Variants in DENND2B observed in about 807,000 individuals in gnomAD.
The protein encoded by DENND2B is DENN domain-containing protein 2B.
In DENND2B, 32 loss-of-function variants were observed where a neutral mutation model predicts 116.0. That is an observed-to-expected ratio of 0.28 (90% CI 0.21 to 0.37). The LOEUF (loss-of-function observed/expected upper bound fraction) is 0.37. DENND2B is among the 10% of genes least tolerant of loss of function. DENND2B has a pLI of 1.00. For missense variants in DENND2B, 1,276 were observed against 1,477.7 expected, an observed-to-expected ratio of 0.86 and a Z score of 2.24; for synonymous variants, 588 against 583.9, an observed-to-expected ratio of 1.01 and a Z score of -0.10.
At chr11:8,698,573 C>G (rs186467894) in intron 16 of DENND2B, among the ~76,000 whole-genome samples, 1 of 152,166 alleles carries the variant, frequency 6.6e-6, no homozygotes, top group Non-Finnish European at 1.5e-5. Flanking sequence ...ATTTGTGTAA[C>G]CCCCAGCAAA....
chr11:8,782,690 T>A (rs1490331247), intron 1 of DENND2B, among the ~76,000 whole-genome samples: 10 of 151,986 alleles, frequency 6.6e-5, no homozygotes, highest in Admixed American at 5.2e-4. Context: ...ATCAAGATCA[T>A]CCTGGCTAAC....
chr11:8,909,246 A>C (rs887407822), intron 1 of DENND2B, among the ~76,000 whole-genome samples: 2 of 152,148 alleles, frequency 1.3e-5, no homozygotes, highest in Non-Finnish European at 2.9e-5. Flanking sequence ...CATTTAAAAA[A>C]TTTGCAGGGC....
chr11:8,813,878 T>C (rs145430114), upstream of DENND2B, among the ~76,000 whole-genome samples: 69 of 152,292 alleles, frequency 4.5e-4, 1 homozygote, highest in African/African-American at 9.6e-4. Flanking sequence ...AATGCTACTG[T>C]GTACACACTC....
intron 2 of DENND2B, among the ~76,000 whole-genome samples, chr11:8,878,839 T>C (rs750142861): frequency 2.0e-5 from 3 of 152,098 alleles, no homozygotes; most frequent in Non-Finnish European, 4.4e-5. Context: ...TATGATTCCA[T>C]CAATCCACAG....
intron 1 of DENND2B, among the ~76,000 whole-genome samples, chr11:8,769,896 C>T (rs2056554677): frequency 6.6e-6 from 1 of 152,090 alleles, no homozygotes; most frequent in African/African-American, 2.4e-5. Flanking sequence ...TGTGGGAGGC[C>T]AAGGCAGGCA....
At chr11:8,699,486 A>G in intron 14 of DENND2B, 96 bp from the exon 15 acceptor site, 1 of 1,286,338 alleles carries the variant, frequency 7.8e-7, no homozygotes, top group Non-Finnish European at 1.1e-6. Flanking sequence ...TAAACCTCCC[A>G]GTGCAACAAA....
rs1038448608 is a variant in DENND2B at position 8,832,104 on chromosome 11, C to CCCG, written c.-115+7203_-115+7205dup. Among the ~76,000 whole-genome samples, 6 of 152,292 alleles carry CCCG rather than the reference C, an allele frequency of 3.9e-5. No individual in the cohort carries two copies. In the South Asian group the frequency reaches 1.0e-3, roughly 26 times the overall value. On this transcript the variant is annotated intron_variant, in intron 4 of 6. Coordinates refer to the DENND2B transcript ENST00000524757. ...ACTGTCTCTCCTCCTACCCCTCACCCCCGCCTTCCAGAGTGACAGCGAGAC... is the reference window on the plus strand; with the variant it reads ...ACTGTCTCTCCTCCTACCCCTCACCCCCGCCGCCTTCCAGAGTGACAGCGAGAC...
At chr11:8,773,519 C>G (rs1439944478) in intron 1 of DENND2B, among the ~76,000 whole-genome samples, 2 of 152,208 alleles carry the variant, frequency 1.3e-5, no homozygotes, top group Non-Finnish European at 2.9e-5. Flanking sequence ...CACCTACCTG[C>G]CTTCCTAACT....
chr11:8,699,178 A>C, intron 15 of DENND2B, 35 bp downstream of exon 15: 3 of 1,526,570 alleles, frequency 2.0e-6, no homozygotes, highest in South Asian at 1.3e-5. Flanking sequence ...TTCCCCCTCC[A>C]CCCTTCCCCC....
intron 2 of DENND2B, among the ~76,000 whole-genome samples, chr11:8,870,524 TGC>T (rs879620251): frequency 0.026 from 2,998 of 114,470 alleles, 43 homozygotes; most frequent in Non-Finnish European, 0.044. Flanking sequence ...TGTGTGTGTG[TGC>T]GCGCGCGCGC....
chr11:8,833,012 G>A lies in DENND2B; in HGVS notation c.-115+6298C>T, dbSNP rs543383445. 1.3e-4 allele frequency among the ~76,000 whole-genome samples: 20 copies of A among 152,378 alleles called. No homozygotes were observed. The South Asian group carries it at 1.4e-3, about 11-fold the overall frequency. ...GGATCCTCTTAGCATAGGCTTTGGC[G>A]TCACCTGCTTTCCAGGAAGCAGGCT... On this transcript the variant is annotated intron_variant, in intron 4 of 6. Coordinates refer to the DENND2B transcript ENST00000524757.
chr11:8,784,359 C>T (rs2058686421), intron 1 of DENND2B, among the ~76,000 whole-genome samples: 1 of 148,812 alleles, frequency 6.7e-6, no homozygotes, highest in African/African-American at 2.5e-5. Context: ...CCCAAGAGGT[C>T]GAGGCTGCAG....
chr11:8,783,788 A>G (rs980534142), intron 1 of DENND2B, among the ~76,000 whole-genome samples: 1 of 152,178 alleles, frequency 6.6e-6, no homozygotes. Context: ...AAAGAGGGAG[A>G]TATCATAGAC....
chr11:8,717,105 ACCTGCCT>A (rs1228972743), intron 5 of DENND2B, among the ~76,000 whole-genome samples: 1 of 152,198 alleles, frequency 6.6e-6, no homozygotes, highest in Non-Finnish European at 1.5e-5. Flanking sequence ...AAGCCTCTCC[ACCTGCCT>A]CCTGACATCC....
In DENND2B at chr11:8,836,409, ACTT is replaced by A. The variant is rs1439851374; in HGVS notation, c.-115+2898_-115+2900del. Among the ~76,000 whole-genome samples, 43 of 120,262 alleles carry A rather than the reference ACTT, an allele frequency of 3.6e-4. No homozygotes were observed. In the Admixed American group the frequency reaches 4.3e-3, roughly 12 times the overall value. 78.9% of individuals were successfully genotyped at this position (120,262 alleles called of 152,430 possible). ...CCTGCAAAGACAAGCATCCTTCTGT[ACTT>A]CTTTTTTTTTTTTTTTTTTTTTTTT... On this transcript the variant is annotated intron_variant, in intron 4 of 6. Transcript: ENST00000524757.
At chr11:8,855,836 C>T (rs1270745422) in intron 3 of DENND2B, among the ~76,000 whole-genome samples, 1 of 152,068 alleles carries the variant, frequency 6.6e-6, no homozygotes, top group African/African-American at 2.4e-5. Context: ...GGGCCCAATC[C>T]AAACAGAATA....
intron 4 of DENND2B, among the ~76,000 whole-genome samples, chr11:8,827,979 G>C (rs560481286): frequency 6.4e-4 from 97 of 152,296 alleles, no homozygotes; most frequent in African/African-American, 2.2e-3. Flanking sequence ...GAGGGGGAAC[G>C]GGGGTGGACT....
intron 1 of DENND2B, among the ~76,000 whole-genome samples, chr11:8,890,831 A>C (rs1296750034): frequency 6.6e-6 from 1 of 152,240 alleles, no homozygotes; most frequent in Non-Finnish European, 1.5e-5. Context: ...GATATTATCC[A>C]GGAGAACTTC....
chr11:8,732,738 TC>T (rs757851159), intron 2 of DENND2B, among the ~76,000 whole-genome samples: 8 of 152,242 alleles, frequency 5.3e-5, no homozygotes, highest in Non-Finnish European at 7.3e-5. Flanking sequence ...CTGTCAACTT[TC>T]AGAATTCTTT....
Sources: allele counts gnomAD v4.1 joint callset (sites outside exome capture counted in the v4.1 genomes callset), GRCh38; gene constraint gnomAD v4.1.1; transcripts MANE v1.5; gene names NCBI Gene and HGNC (gene_info 2026-07-23, HGNC 2026-07-21).